The following SP140 variants were observed in gnomAD, a reference collection of about 807,000 sequenced individuals.
SP140 encodes nuclear body protein SP140.
Under a neutral mutation model 125.0 loss-of-function variants are expected in SP140, and 81 were observed. The ratio of observed to expected loss-of-function variants is 0.65; its 90% CI spans 0.54 to 0.78. The LOEUF (loss-of-function observed/expected upper bound fraction) is 0.78, where lower values mean the gene tolerates loss of function less well. Among genes scored for constraint, SP140 ranks in the 30% least tolerant of loss-of-function variants. The pLI, the probability that SP140 is intolerant of heterozygous loss-of-function variation, is 0.00. For synonymous variants in SP140, 312 were observed against 354.0 expected (o/e 0.88, Z 1.33); for missense variants, 858 against 1,037.0 (o/e 0.83, Z 2.37).
chr2:230,216,049 A>G (rs2045135372), intron 3 of SP140, among the ~76,000 whole-genome samples: 1 of 152,172 alleles, frequency 6.6e-6, no homozygotes, highest in African/African-American at 2.4e-5. Context: ...CCAAAATTAT[A>G]TAAAAATAGG....
Position 230,237,191 on chromosome 2 carries a change from A to C in SP140, c.168A>C (p.Ala56=). 6.2e-7 allele frequency: 1 copy of C among 1,613,788 alleles called. No individual in the cohort carries two copies. The highest frequency in any genetic ancestry group is 8.5e-7 in the Non-Finnish European group (1 of 1,179,846). Residue 56 remains alanine, a synonymous_variant, in exon 2 of 27, where the codon GCA becomes GCC. Coordinates refer to ENST00000392045, the MANE Select transcript of SP140 (RefSeq NM_007237.5). This position sits in a 1 kb window ranked among gnomAD's most constrained non-coding sequence, Gnocchi z 5.4. ...FRENKVEIAS[A]ITRPFPFLMG... is the part of the protein sequence containing the mutation. The stretch of plus-strand genomic sequence containing the variant: ...AAAACAAGGTGGAGATTGCAAGTGC[A>C]ATAACAAGGCCATTTCCTTTCCTTA...
At chr2:230,288,043 T>A in intron 18 of SP140, 77 bp downstream of exon 18, 1 of 1,210,880 alleles carries the variant, frequency 8.3e-7, no homozygotes. Context: ...CTTTCAGTAA[T>A]AAACCCATTT....
chr2:230,239,030 T>A, intron 3 of SP140: 1 of 1,405,300 alleles, frequency 7.1e-7, no homozygotes, highest in Admixed American at 3.0e-5. Flanking sequence ...AATCTGGAGT[T>A]TAATTTTTGG....
In SP140 at chr2:230,248,941, C is replaced by T. The variant is rs2049932187; in HGVS notation, c.949C>T (p.Leu317Phe). 8 of 1,611,784 alleles carry T rather than the reference C, an allele frequency of 5.0e-6. No individual in the cohort carries two copies. Among genetic ancestry groups the T allele is most frequent in the African/African-American group, 1.3e-5 (1 of 74,968 alleles). ...VTNEGEPEKG[L>F]CLLPGEGEEG... The stretch of plus-strand genomic sequence containing the variant: ...TAATGAAGGAGAACCAGAGAAGGGG[C>T]TCTGTCTACTACCAGGTGAAGGAGA... Residue 317 changes from leucine (L) to phenylalanine (F), a missense_variant, in exon 9 of 27, where the codon CTC (leucine) becomes TTC (phenylalanine). Coordinates refer to ENST00000392045, the MANE Select transcript of SP140 (RefSeq NM_007237.5).
chr2:230,248,277 G>A (rs1574995191), intron 8 of SP140, among the ~76,000 whole-genome samples: 1 of 152,180 alleles, frequency 6.6e-6, no homozygotes, highest in African/African-American at 2.4e-5. Flanking sequence ...AGAAATGCAA[G>A]CAGGATATTA....
intron 6 of SP140, 40 bp downstream of exon 6, chr2:230,245,120 G>A (rs370282379): frequency 4.8e-5 from 67 of 1,390,352 alleles, no homozygotes; most frequent in Middle Eastern, 1.8e-4. Flanking sequence ...CATTAAATTA[G>A]TTGGCCTATC....
chr2:230,271,547 G>C (rs2053925522), intron 15 of SP140, among the ~76,000 whole-genome samples: 1 of 152,190 alleles, frequency 6.6e-6, no homozygotes. Flanking sequence ...TGTGGAAAGG[G>C]CCTCCTTATT....
At position 230,248,983 on chromosome 2, in the gene SP140, A is replaced by G; in HGVS notation, c.976+15A>G. ...TGAAGGAGAAGGTAATTATGATTTA[A>G]GTTTTTAAATATTTGAGTACATCTT... On this transcript the variant is annotated intron_variant, in intron 9 of 26. Coordinates refer to ENST00000392045, the MANE Select transcript of SP140 (RefSeq NM_007237.5). 1 of 1,594,732 alleles carries G rather than the reference A, an allele frequency of 6.3e-7. No homozygotes were observed. The highest frequency in any genetic ancestry group is 8.6e-7 in the Non-Finnish European group (1 of 1,164,244).
intron 22 of SP140, among the ~76,000 whole-genome samples, chr2:230,301,135 G>A (rs924464198): frequency 5.3e-5 from 8 of 152,178 alleles, no homozygotes; most frequent in African/African-American, 1.9e-4. Flanking sequence ...AAGCCTCCAC[G>A]AAGTTTAGGA....
chr2:230,198,763 T>G (rs2042992187), upstream of SP140, among the ~76,000 whole-genome samples: 1 of 151,948 alleles, frequency 6.6e-6, no homozygotes. Context: ...CTCAGCTAAT[T>G]TTTTTTGTAT....
intron 6 of SP140, 117 bp downstream of exon 6, chr2:230,245,197 G>T: frequency 1.5e-6 from 1 of 680,568 alleles, no homozygotes. Flanking sequence ...TTCAGCCTGT[G>T]GTTGTTTTCC....
At chr2:230,245,768 G>A in intron 6 of SP140, 95 bp from the exon 7 acceptor site, 1 of 757,812 alleles carries the variant, frequency 1.3e-6, no homozygotes. Context: ...TTCCCAGGGA[G>A]CAGTTCTACA....
intron 5 of SP140, among the ~76,000 whole-genome samples, 186 bp downstream of exon 5, chr2:230,243,997 G>T (rs1351766322): frequency 6.6e-6 from 1 of 152,190 alleles, no homozygotes; most frequent in Non-Finnish European, 1.5e-5. Flanking sequence ...TGCTAGAGAA[G>T]GATGATGTCT....
At chr2:230,225,647 C>A, upstream of SP140, 1 of 643,308 alleles carries the variant, frequency 1.6e-6, no homozygotes, top group Non-Finnish European at 2.8e-6. Context: ...GCTCCTCCTC[C>A]CTTGACTGAG....
chr2:230,186,505 T>C, the SP140 span, among the ~76,000 whole-genome samples: 12 of 152,250 alleles, frequency 7.9e-5, no homozygotes, highest in Admixed American at 5.9e-4. Flanking sequence ...ATTTTTCTTT[T>C]TAATTTGTTT....
chr2:230,293,853 TC>T (rs2057399977), intron 20 of SP140, among the ~76,000 whole-genome samples: 1 of 152,218 alleles, frequency 6.6e-6, no homozygotes. Flanking sequence ...GTCCGTAGAC[TC>T]CTTTAGGTTG....
At chr2:230,253,461 T>C (rs753519905) in intron 11 of SP140, 44 bp downstream of exon 11, 1 of 1,465,540 alleles carries the variant, frequency 6.8e-7, no homozygotes, top group Non-Finnish European at 9.6e-7. Context: ...ACATCTTTGT[T>C]TTCCAGTTGG....
At position 230,255,645 on chromosome 2, in the gene SP140, A is replaced by G. The variant is rs555661877; in HGVS notation, c.1240+113A>G. 5.0e-5 allele frequency: 44 copies of G among 883,646 alleles called. No individual in the cohort carries two copies. In the African/African-American group the frequency reaches 6.9e-4, roughly 14 times the overall value. 54.7% of individuals were successfully genotyped at this position (883,646 alleles called of 1,614,324 possible). Reference sequence around the variant, plus strand: ...TCTGCATATACCTCACAGTGAAAGGATCTAATTAATCCTGAGATTTTTCAC... The same window carrying G: ...TCTGCATATACCTCACAGTGAAAGGGTCTAATTAATCCTGAGATTTTTCAC... On this transcript the variant is annotated intron_variant, in intron 12 of 26. Transcript: ENST00000392045.
intron 15 of SP140, among the ~76,000 whole-genome samples, chr2:230,275,079 G>A (rs188247563): frequency 1.2e-4 from 19 of 152,054 alleles, no homozygotes; most frequent in Admixed American, 1.2e-3. Flanking sequence ...CGAGTGCCTG[G>A]AACTTATATT....
Sources: gnomAD v4.1 joint callset for allele counts (sites outside exome capture counted in the v4.1 genomes callset) on GRCh38, gnomAD v4.1.1 for gene constraint, Gnocchi (gnomAD v3.1) non-coding constraint, MANE v1.5 for transcripts, NCBI Gene and HGNC (gene_info 2026-07-23, HGNC 2026-07-21) for gene names.